The following CFAP77 variants were observed in gnomAD, a reference collection of about 807,000 sequenced individuals.
CFAP77 encodes cilia- and flagella-associated protein 77.
In CFAP77, 25 loss-of-function variants were observed where a neutral mutation model predicts 31.1. The observed-to-expected ratio is 0.80, with a 90% confidence interval of 0.59 to 1.12. The LOEUF is 1.12. Among genes scored for constraint, CFAP77 ranks in the 50% most tolerant of loss-of-function variants. CFAP77 has a pLI of 0.00. For missense variants in CFAP77, 377 were observed against 397.3 expected (o/e 0.95, Z 0.44); for synonymous variants, 151 against 159.9 (o/e 0.94, Z 0.42).
intron 3 of CFAP77, among the ~76,000 whole-genome samples, chr9:132,534,525 T>G (rs549438680): frequency 4.1e-5 from 6 of 145,878 alleles, no homozygotes; most frequent in Non-Finnish European, 8.9e-5. Flanking sequence ...GGCAGGAGAA[T>G]GGCGTGAACC....
chr9:132,534,100 A>G (rs1341431014), intron 3 of CFAP77, among the ~76,000 whole-genome samples: 3 of 152,152 alleles, frequency 2.0e-5, no homozygotes, highest in Non-Finnish European at 4.4e-5. Flanking sequence ...TATTTACCAC[A>G]ATAATAAAAT....
chr9:132,429,713 G>T (rs909593572), intron 1 of CFAP77, among the ~76,000 whole-genome samples: 1 of 148,986 alleles, frequency 6.7e-6, no homozygotes, highest in Non-Finnish European at 1.5e-5. Flanking sequence ...AAAGTTAGCC[G>T]GACATGGTCG....
rs553113263 is a variant in CFAP77 at position 132,433,130 on chromosome 9, G to A, written c.195+22664G>A. ...CTCCCAAAGTGCTGGGATTACAGGC[G>A]TGAACCACCATGTCAGGACCCTTGA... On this transcript the variant is annotated intron_variant, in intron 1 of 5. Transcript: ENST00000393216. Among the ~76,000 whole-genome samples the A allele has an allele frequency of 9.6e-4, 146 of 152,278 alleles. 1 individual carries two copies. Among genetic ancestry groups the A allele is most frequent in the East Asian group, 3.1e-3 (16 of 5,180 alleles).
rs1301165893 is a variant in CFAP77 at position 132,438,528 on chromosome 9, T to A, written c.195+28062T>A. The stretch of plus-strand genomic sequence containing the variant: ...TGGGGGAACAGATATGGTATATATA[T>A]ATATATATATATATTTTTTTTTTTT... On this transcript the variant is annotated intron_variant, in intron 1 of 5. Transcript: ENST00000393216. Among the ~76,000 whole-genome samples the A allele has an allele frequency of 3.3e-4, 38 of 115,906 alleles. 1 individual carries two copies. The highest frequency in any genetic ancestry group is 1.5e-3 in the African/African-American group (38 of 25,038). 76.0% of individuals were successfully genotyped at this position (115,906 alleles called of 152,430 possible). A position where few individuals can be genotyped will look rare whatever the true frequency, so the allele number is the denominator to read the frequency against.
chr9:132,478,567 G>A (rs180775565), intron 1 of CFAP77, among the ~76,000 whole-genome samples: 21 of 152,230 alleles, frequency 1.4e-4, no homozygotes, highest in Admixed American at 9.2e-4. Context: ...CAGCCCTGTC[G>A]GCGTGAGGTG....
chr9:132,522,596 C>T (rs1245545328), intron 3 of CFAP77, among the ~76,000 whole-genome samples: 1 of 152,124 alleles, frequency 6.6e-6, no homozygotes, highest in African/African-American at 2.4e-5. Flanking sequence ...AAAAACTGAA[C>T]GTGTTGTAAG....
chr9:132,566,892 G>A (rs12347703), intron 5 of CFAP77, among the ~76,000 whole-genome samples: 132 of 152,304 alleles, frequency 8.7e-4, no homozygotes, highest in African/African-American at 2.9e-3. Context: ...CTTGCTGGCC[G>A]CTGGAGGCCA....
At chr9:132,420,513 AT>A (rs1278417467) in intron 1 of CFAP77, among the ~76,000 whole-genome samples, 16 of 151,398 alleles carry the variant, frequency 1.1e-4, no homozygotes, top group African/African-American at 3.6e-4. Context: ...AAAAAAAAAA[AT>A]TCTGGGCATG....
At chr9:132,425,591 G>C (rs942150740) in intron 1 of CFAP77, among the ~76,000 whole-genome samples, 2 of 152,002 alleles carry the variant, frequency 1.3e-5, no homozygotes, top group African/African-American at 4.8e-5. Context: ...TTTCCCCCCC[G>C]AAATTGCAGT....
At chr9:132,512,825 C>G (rs1031621266) in intron 3 of CFAP77, among the ~76,000 whole-genome samples, 3 of 152,054 alleles carry the variant, frequency 2.0e-5, no homozygotes, top group African/African-American at 2.4e-5. Context: ...CAGGTGCCTG[C>G]AATCCCAGCT....
chr9:132,546,513 C>G (rs1266207611), intron 5 of CFAP77, among the ~76,000 whole-genome samples: 1 of 152,242 alleles, frequency 6.6e-6, no homozygotes, highest in Non-Finnish European at 1.5e-5. Context: ...TAATTAAACA[C>G]CTTTCACACT....
At position 132,418,629 on chromosome 9, in the gene CFAP77, T is replaced by C. The variant is rs146412888; in HGVS notation, c.195+8163T>C. Among the ~76,000 whole-genome samples the C allele has an allele frequency of 5.1e-3, 782 of 152,344 alleles. 5 individuals are homozygous for C. The highest frequency in any genetic ancestry group is 0.018 in the African/African-American group (761 of 41,590). On this transcript the variant is annotated intron_variant, in intron 1 of 5. Transcript: ENST00000393216. ...TGTAGCTTACATGAGTTTGCTAGCT[T>C]CTGTCTGAGACTTGTCAATCTCTAG...
At chr9:132,479,336 A>C (rs1250664055) in intron 1 of CFAP77, among the ~76,000 whole-genome samples, 1 of 151,930 alleles carries the variant, frequency 6.6e-6, no homozygotes, top group Non-Finnish European at 1.5e-5. Context: ...CCCATAGTTC[A>C]TCCCACCATT....
chr9:132,558,520 C>A (rs139130832), intron 5 of CFAP77, among the ~76,000 whole-genome samples: 5 of 151,824 alleles, frequency 3.3e-5, no homozygotes, highest in Admixed American at 6.6e-5. Context: ...GCCTGGCCAA[C>A]GTGGTGAAAC....
intron 1 of CFAP77, among the ~76,000 whole-genome samples, chr9:132,437,373 C>T (rs565297057): frequency 2.6e-5 from 4 of 152,130 alleles, no homozygotes; most frequent in Admixed American, 6.5e-5. Context: ...GCCAGTATTA[C>T]GGGTTCAAAC....
At chr9:132,525,518 C>T (rs371408301) in intron 3 of CFAP77, among the ~76,000 whole-genome samples, 1 of 152,148 alleles carries the variant, frequency 6.6e-6, no homozygotes, top group Non-Finnish European at 1.5e-5. Context: ...CAAAATTTCA[C>T]ATAACTAGAT....
At chr9:132,465,086 AAAAAAAAG>A (rs1851129330) in intron 1 of CFAP77, among the ~76,000 whole-genome samples, 6 of 125,500 alleles carry the variant, frequency 4.8e-5, no homozygotes, top group South Asian at 2.3e-4. Flanking sequence ...AAAAAAAAAA[AAAAAAAAG>A]AAAAAAAGAA....
chr9:132,502,502 C>T (rs1258386375), intron 3 of CFAP77, among the ~76,000 whole-genome samples: 1 of 152,144 alleles, frequency 6.6e-6, no homozygotes, highest in Non-Finnish European at 1.5e-5. Context: ...GCCCCAGCCC[C>T]TGGCACCCAC....
chr9:132,469,402 C>A (rs190996631), intron 1 of CFAP77, among the ~76,000 whole-genome samples: 1 of 152,172 alleles, frequency 6.6e-6, no homozygotes, highest in African/African-American at 2.4e-5. Flanking sequence ...ATCTCCTGTG[C>A]GTGTGGATTA....
Sources: gnomAD v4.1 joint callset for allele counts (sites outside exome capture counted in the v4.1 genomes callset) on GRCh38, gnomAD v4.1.1 for gene constraint, MANE v1.5 for transcripts, NCBI Gene and HGNC (gene_info 2026-07-23, HGNC 2026-07-21) for gene names.